The following IQCK variants were observed in gnomAD, a reference collection of about 807,000 sequenced individuals.
IQCK encodes IQ motif containing K.
A neutral mutation model predicts 28.1 loss-of-function variants in IQCK; 29 were observed. That is an observed-to-expected ratio of 1.03 (90% confidence interval 0.77 to 1.41). IQCK has a LOEUF of 1.41. IQCK is among the 40% of genes most tolerant of loss of function. The probability of loss-of-function intolerance (pLI) is 0.00; values close to 1 mark genes in which losing one functional copy is unlikely to be tolerated. For synonymous variants in IQCK, 113 were observed against 115.1 expected, an observed-to-expected ratio of 0.98 and a Z score of 0.12; for missense variants, 359 against 314.7, an observed-to-expected ratio of 1.14 and a Z score of -1.07.
intron 6 of IQCK, among the ~76,000 whole-genome samples, chr16:19,768,278 A>G (rs1483971858): frequency 1.3e-5 from 2 of 152,220 alleles, no homozygotes; most frequent in East Asian, 1.9e-4. Context: ...AGGTGATTAT[A>G]TGAGTATTAT....
At chr16:19,747,736 C>T (rs895803711) in intron 4 of IQCK, among the ~76,000 whole-genome samples, 10 of 152,216 alleles carry the variant, frequency 6.6e-5, no homozygotes, top group Non-Finnish European at 1.0e-4. Flanking sequence ...TAAGAACATG[C>T]GATATTTGAC....
intron 7 of IQCK, among the ~76,000 whole-genome samples, chr16:19,803,615 C>T (rs574249368): frequency 1.3e-5 from 2 of 152,242 alleles, no homozygotes; most frequent in South Asian, 4.1e-4. Context: ...ATAATAGCTG[C>T]CCAGTCTAGC....
At chr16:19,752,611 C>G (rs1035782006) in intron 4 of IQCK, among the ~76,000 whole-genome samples, 7 of 152,104 alleles carry the variant, frequency 4.6e-5, no homozygotes, top group Non-Finnish European at 8.8e-5. Flanking sequence ...CTCTGCTGCC[C>G]AGGCTGGAGT....
chr16:19,745,700 A>G (rs538406497), intron 4 of IQCK, among the ~76,000 whole-genome samples: 21 of 152,164 alleles, frequency 1.4e-4, no homozygotes, highest in Admixed American at 1.4e-3. Context: ...ATAACGATTT[A>G]TTATTTTTCA....
intron 7 of IQCK, among the ~76,000 whole-genome samples, chr16:19,814,828 C>T (rs2055963199): frequency 6.9e-6 from 1 of 144,650 alleles, no homozygotes. Flanking sequence ...CAGTCTGCTG[C>T]CCAGGTCGGA....
intron 7 of IQCK, among the ~76,000 whole-genome samples, chr16:19,816,723 A>G (rs955059354): frequency 6.6e-6 from 1 of 152,230 alleles, no homozygotes. Context: ...ACTTGGTTCC[A>G]TGTACTAATA....
At chr16:19,811,384 A>T (rs1043476996) in intron 7 of IQCK, among the ~76,000 whole-genome samples, 1 of 152,258 alleles carries the variant, frequency 6.6e-6, no homozygotes, top group African/African-American at 2.4e-5. Context: ...TGCTTTTGCA[A>T]CTTATTCATT....
At chr16:19,807,961 T>A (rs2055854056) in intron 7 of IQCK, among the ~76,000 whole-genome samples, 1 of 152,186 alleles carries the variant, frequency 6.6e-6, no homozygotes, top group African/African-American at 2.4e-5. Context: ...GTATTTTTTT[T>A]AATTCCCTGT....
intron 4 of IQCK, among the ~76,000 whole-genome samples, chr16:19,736,777 G>A (rs1039819213): frequency 5.3e-5 from 8 of 152,076 alleles, no homozygotes; most frequent in South Asian, 4.1e-4. Context: ...AGGAGAAAAT[G>A]GAGGGACACA....
At chr16:19,818,612 C>T (rs2056021952) in intron 7 of IQCK, among the ~76,000 whole-genome samples, 5 of 152,032 alleles carry the variant, frequency 3.3e-5, no homozygotes, top group East Asian at 1.9e-4. Context: ...AGGGTAGTCT[C>T]GAACTCCTGA....
chr16:19,755,438 CAG>C (rs1391911457), intron 4 of IQCK, among the ~76,000 whole-genome samples: 17 of 152,188 alleles, frequency 1.1e-4, no homozygotes, highest in Non-Finnish European at 1.9e-4. Flanking sequence ...TGTCACACTG[CAG>C]AGAGAACAGG....
intron 9 of IQCK, among the ~76,000 whole-genome samples, chr16:19,846,960 C>T (rs2056421563): frequency 6.6e-6 from 1 of 152,064 alleles, no homozygotes; most frequent in African/African-American, 2.4e-5. Flanking sequence ...AAGGTGGTGT[C>T]AGATGATGGT....
rs141030910 is a variant in IQCK at position 19,778,543 on chromosome 16, G to C, written c.606-10295G>C. ...GTGATGGCAGACACTTGTAGTCCCA[G>C]CTACTCCAGAGGCCGAGGGGAGAGT... On this transcript the variant is annotated intron_variant, in intron 6 of 7. Coordinates refer to ENST00000564186, the Ensembl canonical transcript of IQCK. Among the ~76,000 whole-genome samples the C allele has an allele frequency of 5.3e-5, 8 of 152,164 alleles. No individual in the cohort carries two copies. In the East Asian group the frequency reaches 1.5e-3, roughly 29 times the overall value.
In IQCK at chr16:19,799,028, C is replaced by T. The variant is rs187683995; in HGVS notation, c.690+10106C>T. 8.6e-3 allele frequency among the ~76,000 whole-genome samples: 412 copies of T among 47,894 alleles called. 9 individuals carry two copies. The highest frequency in any genetic ancestry group is 0.015 in the Middle Eastern group (1 of 66). 31.4% of individuals were successfully genotyped at this position (47,894 alleles called of 152,430 possible). A position where few individuals can be genotyped will look rare whatever the true frequency, so the allele number is the denominator to read the frequency against. On this transcript the variant is annotated intron_variant, in intron 7 of 7. Coordinates refer to ENST00000564186, the Ensembl canonical transcript of IQCK. ...CCTCCCAAAGTGTAGGGATTATAGG[C>T]ATGAGCCACCGTGCCCAGCAATGCA...
At chr16:19,784,559 G>A (rs974325589) in intron 6 of IQCK, among the ~76,000 whole-genome samples, 6 of 152,160 alleles carry the variant, frequency 3.9e-5, no homozygotes, top group Non-Finnish European at 7.3e-5. Flanking sequence ...TGCCTACTAT[G>A]TGCCAGACAT....
chr16:19,838,144 T>C (rs1373274624), intron 9 of IQCK, among the ~76,000 whole-genome samples: 1 of 152,218 alleles, frequency 6.6e-6, no homozygotes, highest in African/African-American at 2.4e-5. Flanking sequence ...TGAAAACCTG[T>C]TGATGCCGTT....
intron 9 of IQCK, among the ~76,000 whole-genome samples, chr16:19,850,024 C>T (rs2056462674): frequency 2.0e-5 from 3 of 152,202 alleles, no homozygotes; most frequent in Admixed American, 1.3e-4. Flanking sequence ...TGTTTTTACA[C>T]TTTGCCAAAA....
intron 9 of IQCK, among the ~76,000 whole-genome samples, chr16:19,838,693 C>T (rs2056327151): frequency 6.6e-6 from 1 of 152,136 alleles, no homozygotes. Flanking sequence ...TATATTATTT[C>T]TAATCTTCAC....
chr16:19,799,158 T>C lies in IQCK; in HGVS notation c.690+10236T>C, dbSNP rs1234129949. Among the ~76,000 whole-genome samples the C allele has an allele frequency of 2.5e-5, 3 of 117,784 alleles. 1 individual carries two copies. The highest frequency in any genetic ancestry group is 1.8e-4 in the African/African-American group (3 of 16,388). The allele number at this position is 117,784 out of a possible 152,430, so 77.3% of individuals were successfully genotyped here. On this transcript the variant is annotated intron_variant, in intron 7 of 7. Coordinates refer to ENST00000564186, the Ensembl canonical transcript of IQCK. ...ACAAAATTGCAATTATAAACACTTT[T>C]TTAAGCCTACTCTCTCTCCTTAATA...
Sources: gnomAD v4.1 joint callset for allele counts (sites outside exome capture counted in the v4.1 genomes callset) on GRCh38, gnomAD v4.1.1 for gene constraint, MANE v1.5 for transcripts, NCBI Gene and HGNC (gene_info 2026-07-23, HGNC 2026-07-21) for gene names.